The following NFASC variants were observed in gnomAD, a reference collection of about 807,000 sequenced individuals.
The protein encoded by NFASC is neurofascin.
A neutral mutation model predicts 147.5 loss-of-function variants in NFASC; 43 were observed. The ratio of observed to expected loss-of-function variants is 0.29; its 90% CI spans 0.23 to 0.38. The LOEUF (loss-of-function observed/expected upper bound fraction) is 0.38, where lower values mean the gene tolerates loss of function less well. NFASC is among the 10% of genes least tolerant of loss of function. The pLI, the probability that NFASC is intolerant of heterozygous loss-of-function variation, is 1.00. For missense variants in NFASC, 1,320 were observed against 1,689.0 expected, an observed-to-expected ratio of 0.78 and a Z score of 3.83; for synonymous variants, 622 against 665.5, an observed-to-expected ratio of 0.93 and a Z score of 1.01.
intron 2 of NFASC, among the ~76,000 whole-genome samples, chr1:204,926,402 ATATATTTTTTTTTTTTTTTTT>A (rs1241283650): frequency 9.3e-5 from 1 of 10,730 alleles, no homozygotes; most frequent in Non-Finnish European, 3.5e-4. Context: ...ATATATATAT[ATATATTTTTTTTTTTTTTTTT>A]TTTTTTTTTT....
rs769677793 is a variant in NFASC at position 204,975,342 on chromosome 1, C to G, written c.1630C>G (p.Arg544Gly). The stretch of plus-strand genomic sequence containing the variant: ...GGGCACCACGGTGCAGCTGGAGTGT[C>G]GGGTGAAGCACGACCCCTCCCTGAA... Reference protein sequence around the residue: ...RRGTTVQLECRVKHDPSLKLT... With the variant: ...RRGTTVQLECGVKHDPSLKLT... The change falls in exon 15 of 30, where the codon CGG becomes GGG. Residue 544 changes from arginine (R) to glycine (G), a missense_variant. Around this residue, in one of 3 missense-constraint regions of NFASC, gnomAD observed 981 missense variants for 1,289.5 expected, o/e 0.76. Coordinates refer to ENST00000339876, the MANE Select transcript of NFASC (RefSeq NM_001005388.3). The surrounding 1 kb of genome is among the most constrained non-coding windows in gnomAD (Gnocchi z 4.0). 1 of 1,614,070 alleles carries G rather than the reference C, an allele frequency of 6.2e-7. No individual in the cohort carries two copies. Among genetic ancestry groups the G allele is most frequent in the South Asian group, 1.1e-5 (1 of 91,084 alleles).
At chr1:204,926,406 A>ATTTT (rs1202294421) in intron 2 of NFASC, among the ~76,000 whole-genome samples, 100 of 13,986 alleles carry the variant, frequency 7.2e-3, no homozygotes, top group Non-Finnish European at 0.012. Context: ...ATATATATAT[A>ATTTT]TTTTTTTTTT....
intron 1 of NFASC, chr1:204,870,824 T>C (rs77626804): frequency 0.033 from 39,265 of 1,179,546 alleles, 716 homozygotes; most frequent in Non-Finnish European, 0.038. Context: ...AGGTGGCCGA[T>C]GGGGGTGACA....
chr1:204,911,504 C>G lies in NFASC; in HGVS notation c.-199-9128C>G, dbSNP rs191615934. 4.1e-4 allele frequency among the ~76,000 whole-genome samples: 63 copies of G among 152,282 alleles called. No homozygotes were observed. In the East Asian group the frequency reaches 0.011, roughly 26 times the overall value. On this transcript the variant is annotated intron_variant, in intron 1 of 29. Transcript: ENST00000339876. Reference sequence around the variant, plus strand: ...AGTAGCTGTGACTACAGGCAGACACCACCTCACCTGGTCTGTTAAGGATTT... The same window carrying G: ...AGTAGCTGTGACTACAGGCAGACACGACCTCACCTGGTCTGTTAAGGATTT...
intron 1 of NFASC, among the ~76,000 whole-genome samples, chr1:204,908,134 A>T (rs1192946924): frequency 6.6e-6 from 1 of 152,116 alleles, no homozygotes; most frequent in Admixed American, 6.5e-5. Flanking sequence ...GGCACGCACC[A>T]CTATGCCTGG....
intron 16 of NFASC, 126 bp from the exon 17 acceptor site, chr1:204,977,555 A>G: frequency 1.4e-6 from 1 of 728,550 alleles, no homozygotes; most frequent in Admixed American, 2.6e-5. Flanking sequence ...GGACGGGGAC[A>G]GCCCTGCCTA....
intron 2 of NFASC, among the ~76,000 whole-genome samples, chr1:204,929,032 A>G (rs969309509): frequency 2.0e-5 from 3 of 152,162 alleles, no homozygotes; most frequent in East Asian, 1.9e-4. Context: ...GTTTCAACCT[A>G]TAGATTAGTT....
chr1:204,911,113 T>A (rs1436768195), intron 1 of NFASC, among the ~76,000 whole-genome samples: 2 of 152,232 alleles, frequency 1.3e-5, no homozygotes, highest in African/African-American at 4.8e-5. Context: ...GAAATTTCTC[T>A]CAATTCCTCT....
chr1:204,946,762 A>G (rs1203424088), intron 3 of NFASC: 4 of 518,528 alleles, frequency 7.7e-6, no homozygotes, highest in Non-Finnish European at 1.5e-5. Context: ...GTGGATGAAC[A>G]CCAACCCTTC....
At chr1:204,998,281 C>T (rs2095892328) in intron 25 of NFASC, 1 of 152,216 alleles carries the variant, frequency 6.6e-6, no homozygotes. Context: ...CTGTAGCTTC[C>T]TGAGCTCACA....
chr1:204,946,606 G>C (rs998728187), intron 3 of NFASC: 7 of 476,182 alleles, frequency 1.5e-5, no homozygotes, highest in African/African-American at 1.4e-4. Flanking sequence ...GGATGAGGGG[G>C]CAGGTCCTGG....
At chr1:204,883,749 G>T (rs1308136264) in intron 1 of NFASC, among the ~76,000 whole-genome samples, 2 of 152,224 alleles carry the variant, frequency 1.3e-5, no homozygotes, top group Non-Finnish European at 2.9e-5. Flanking sequence ...GGTGCCAGCA[G>T]CATGGGATTG....
intron 1 of NFASC, among the ~76,000 whole-genome samples, chr1:204,860,411 C>T (rs2076555940): frequency 6.6e-6 from 1 of 152,282 alleles, no homozygotes; most frequent in East Asian, 1.9e-4. Flanking sequence ...GGGCCAGTGT[C>T]CCCTGTGCCA....
rs7530093 is a variant in NFASC, at chr1:204,830,528, C to T, written c.-200+1746C>T. On this transcript the variant is annotated intron_variant, in intron 1 of 29. Transcript: ENST00000339876. ...TTTTGTCTTGACTGAGCTGGCACTT[C>T]GGAGGGAGTAATTTCTCCCCTTGTC... Among the ~76,000 whole-genome samples the T allele has an allele frequency of 6.0e-3, 908 of 152,102 alleles. 15 individuals are homozygous for T. The highest frequency in any genetic ancestry group is 0.021 in the African/African-American group (855 of 41,486).
chr1:204,841,420 A>G lies in NFASC; in HGVS notation c.-200+12638A>G, dbSNP rs542505894. 3.9e-5 allele frequency among the ~76,000 whole-genome samples: 6 copies of G among 152,300 alleles called. No individual in the cohort carries two copies. In the South Asian group the frequency reaches 1.2e-3, roughly 32 times the overall value. Reference sequence around the variant, plus strand: ...TGTTTGGCTGTTGCTTGTATTAGTTAGTGAGATAAGAGTCTGAGTATCACA... The same window carrying G: ...TGTTTGGCTGTTGCTTGTATTAGTTGGTGAGATAAGAGTCTGAGTATCACA... On this transcript the variant is annotated intron_variant, in intron 1 of 29. Coordinates refer to ENST00000339876, the MANE Select transcript of NFASC (RefSeq NM_001005388.3).
chr1:204,870,456 G>A (rs1387223820), intron 1 of NFASC: 1 of 160,658 alleles, frequency 6.2e-6, no homozygotes, highest in Non-Finnish European at 1.4e-5. Context: ...ACGTGTGCAT[G>A]GGGGAGGGCC....
intron 12 of NFASC, among the ~76,000 whole-genome samples, chr1:204,973,943 A>G (rs1037831689): frequency 1.3e-5 from 2 of 151,736 alleles, no homozygotes; most frequent in Non-Finnish European, 2.9e-5. Flanking sequence ...ATTTGGGGAG[A>G]CCCTTTGCAA....
rs540202945 is a variant in NFASC at position 204,943,434 on chromosome 1, A to G, written c.-90-792A>G. On this transcript the variant is annotated intron_variant, in intron 2 of 29. Coordinates refer to ENST00000339876, the MANE Select transcript of NFASC (RefSeq NM_001005388.3). Reference sequence around the variant, plus strand: ...TTGAGGATGAACACTGAATCATCATACATGCTGTTTACTCTACCAACCACC... The same window carrying G: ...TTGAGGATGAACACTGAATCATCATGCATGCTGTTTACTCTACCAACCACC... Among the ~76,000 whole-genome samples the G allele has an allele frequency of 1.4e-4, 21 of 152,272 alleles. 1 individual carries two copies. The South Asian group carries it at 4.4e-3, about 32-fold the overall frequency.
intron 1 of NFASC, among the ~76,000 whole-genome samples, chr1:204,858,518 C>T (rs1169907456): frequency 1.3e-5 from 2 of 151,968 alleles, no homozygotes; most frequent in Non-Finnish European, 2.9e-5. Flanking sequence ...GCACTGGGGA[C>T]TTCGGGGAGG....
Sources: allele counts gnomAD v4.1 joint callset (sites outside exome capture counted in the v4.1 genomes callset), GRCh38; gene constraint gnomAD v4.1.1; regional missense constraint gnomAD v4.1.1; non-coding constraint Gnocchi (gnomAD v3.1); transcripts MANE v1.5; gene names NCBI Gene and HGNC (gene_info 2026-07-23, HGNC 2026-07-21).